ZFP64: variants seen among roughly 807,000 people sequenced by gnomAD.
ZFP64 encodes the protein zinc finger protein 64.
In ZFP64, 14 loss-of-function variants were observed where a neutral mutation model predicts 51.6. The ratio of observed to expected loss-of-function variants is 0.27; its 90% CI spans 0.18 to 0.42. The LOEUF (loss-of-function observed/expected upper bound fraction) is 0.42, where lower values mean the gene tolerates loss of function less well. ZFP64 is among the 10% of genes least tolerant of loss of function. The pLI is 1.00. For missense variants in ZFP64, 754 were observed against 906.8 expected, an observed-to-expected ratio of 0.83 and a Z score of 2.16; for synonymous variants, 375 against 361.4, an observed-to-expected ratio of 1.04 and a Z score of -0.43.
chr20:52,171,512 TG>T lies in ZFP64; in HGVS notation c.287-5488del, dbSNP rs200830309. Among the ~76,000 whole-genome samples the T allele has an allele frequency of 4.5e-3, 681 of 152,214 alleles. 11 individuals carry two copies. Among genetic ancestry groups the T allele is most frequent in the African/African-American group, 0.016 (645 of 41,546 alleles). On this transcript the variant is annotated intron_variant, in intron 2 of 5. Coordinates refer to ENST00000216923, the MANE Select transcript of ZFP64 (RefSeq NM_018197.3). Reference sequence around the variant, plus strand: ...TGTTTTATTTCATTTTTTTTTTAGATGGAGTCTCGCTCTGTTGCCCAGGCTG... The same window carrying T: ...TGTTTTATTTCATTTTTTTTTTAGATGAGTCTCGCTCTGTTGCCCAGGCTG...
chr20:52,138,007 C>A (rs1182739624), intron 5 of ZFP64, among the ~76,000 whole-genome samples: 1 of 148,908 alleles, frequency 6.7e-6, no homozygotes, highest in Non-Finnish European at 1.5e-5. Context: ...AAAACCCCAT[C>A]TTTACAAAAA....
chr20:52,169,507 C>T (rs6096803), intron 2 of ZFP64, among the ~76,000 whole-genome samples: 1 of 152,132 alleles, frequency 6.6e-6, no homozygotes, highest in South Asian at 2.1e-4. Context: ...TCGCGGGCTC[C>T]TCAGCACTCT....
intron 5 of ZFP64, among the ~76,000 whole-genome samples, chr20:52,099,081 A>T (rs1169343806): frequency 1.7e-4 from 26 of 151,496 alleles, no homozygotes; most frequent in Admixed American, 1.7e-3. Flanking sequence ...GGTTTCCAAG[A>T]AGTACAGGGG....
chr20:52,086,406 T>C (rs1040246547), intron 8 of ZFP64, among the ~76,000 whole-genome samples: 2 of 152,168 alleles, frequency 1.3e-5, no homozygotes, highest in African/African-American at 4.8e-5. Flanking sequence ...TTGATTAGAC[T>C]GTGTTTCTTG....
At chr20:52,084,999 T>C (rs763463860) in exon 9 of ZFP64, 1 of 1,614,066 alleles carries the variant, frequency 6.2e-7, no homozygotes, top group South Asian at 1.1e-5. Context: ...GTAGCTGCAC[T>C]CTGGACACTT....
At chr20:52,110,125 C>T (rs952838863) in intron 5 of ZFP64, among the ~76,000 whole-genome samples, 2 of 152,136 alleles carry the variant, frequency 1.3e-5, no homozygotes, top group African/African-American at 2.4e-5. Flanking sequence ...GTCATTTCAC[C>T]AGCCACCTGA....
At chr20:52,134,379 T>C (rs1195307942) in intron 5 of ZFP64, among the ~76,000 whole-genome samples, 1 of 152,168 alleles carries the variant, frequency 6.6e-6, no homozygotes, top group Non-Finnish European at 1.5e-5. Flanking sequence ...AACTCAAATT[T>C]GCAGGTGTTT....
chr20:52,176,220 G>A (rs1009858239), intron 2 of ZFP64, among the ~76,000 whole-genome samples: 9 of 152,010 alleles, frequency 5.9e-5, no homozygotes, highest in Non-Finnish European at 2.9e-5. Flanking sequence ...CCTGGGCGAC[G>A]TAGTGAGACC....
intron 2 of ZFP64, among the ~76,000 whole-genome samples, chr20:52,176,937 C>T (rs1026607447): frequency 6.6e-6 from 1 of 152,142 alleles, no homozygotes; most frequent in Admixed American, 6.5e-5. Context: ...TCTAAGCAAA[C>T]GAACAGTCCT....
intron 2 of ZFP64, among the ~76,000 whole-genome samples, chr20:52,172,660 C>T (rs976100577): frequency 1.1e-4 from 16 of 151,898 alleles, no homozygotes; most frequent in African/African-American, 3.9e-4. Flanking sequence ...ATTCTCTAGT[C>T]CCTCTTTTCA....
Position 52,157,495 on chromosome 20 carries a change from G to A in ZFP64, c.763+2628C>T, listed in dbSNP as rs898829898. ...GCAATCTTTTTCAGAAGTAGCTTAG[G>A]AAAGTGATGGAAAGGATGTTCCAAT... On this transcript the variant is annotated intron_variant, in intron 5 of 5. Transcript: ENST00000216923. Among the ~76,000 whole-genome samples the A allele has an allele frequency of 5.3e-4, 81 of 152,150 alleles. 2 individuals carry two copies. The highest frequency in any genetic ancestry group is 5.2e-3 in the Admixed American group (79 of 15,280).
downstream of ZFP64, among the ~76,000 whole-genome samples, chr20:52,148,797 T>C (rs1387576021): frequency 6.6e-6 from 1 of 151,856 alleles, no homozygotes; most frequent in East Asian, 1.9e-4. Context: ...AAAACCAGTT[T>C]AATCTCAGGG....
intron 5 of ZFP64, among the ~76,000 whole-genome samples, chr20:52,137,923 C>T (rs952416962): frequency 5.9e-5 from 9 of 152,012 alleles, no homozygotes; most frequent in Non-Finnish European, 7.4e-5. Flanking sequence ...TGCCTCTAAT[C>T]CCAGCACTCT....
intron 2 of ZFP64, among the ~76,000 whole-genome samples, chr20:52,179,432 G>A (rs1983463079): frequency 6.6e-6 from 1 of 152,192 alleles, no homozygotes. Flanking sequence ...AATCCTCACA[G>A]CCACCCTTTC....
intron 5 of ZFP64, among the ~76,000 whole-genome samples, chr20:52,137,093 T>A (rs1263840903): frequency 1.3e-5 from 2 of 152,164 alleles, no homozygotes; most frequent in African/African-American, 4.8e-5. Context: ...TGAAGAAATG[T>A]CTAAAGCTTG....
At chr20:52,158,767 G>A (rs1981532561) in intron 5 of ZFP64, among the ~76,000 whole-genome samples, 1 of 152,154 alleles carries the variant, frequency 6.6e-6, no homozygotes, top group Non-Finnish European at 1.5e-5. Flanking sequence ...CCCGACCTTT[G>A]CCATGTAACA....
exon 8 of ZFP64, chr20:52,088,509 T>C (rs1337372348): frequency 1.2e-6 from 2 of 1,614,220 alleles, no homozygotes; most frequent in East Asian, 4.5e-5. Flanking sequence ...TTGAGGCTAC[T>C]GCTGTCCACG....
chr20:52,119,337 G>C (rs556724263), intron 5 of ZFP64, among the ~76,000 whole-genome samples: 1 of 150,808 alleles, frequency 6.6e-6, no homozygotes, highest in African/African-American at 2.4e-5. Flanking sequence ...CCAACATGTC[G>C]AAACCCCGAC....
chr20:52,161,455 T>C lies in ZFP64; in HGVS notation c.512-1081A>G, dbSNP rs1054977672. Among the ~76,000 whole-genome samples, 5 of 145,432 alleles carry C rather than the reference T, an allele frequency of 3.4e-5. No homozygotes were observed. In the East Asian group the frequency reaches 5.8e-4, roughly 17 times the overall value. ...GACCGTCTTGTGATTGCTTTCTTTT[T>C]TTTTTTTTTTTTTTTTGCCAAATAC... On this transcript the variant is annotated intron_variant, in intron 4 of 5. Transcript: ENST00000216923.
Sources: gnomAD v4.1 joint callset for allele counts (sites outside exome capture counted in the v4.1 genomes callset) on GRCh38, gnomAD v4.1.1 for gene constraint, MANE v1.5 for transcripts, NCBI Gene and HGNC (gene_info 2026-07-23, HGNC 2026-07-21) for gene names.